Variants in PDE1A observed in about 807,000 individuals in gnomAD.
The protein encoded by PDE1A is dual specificity calcium/calmodulin-dependent 3',5'-cyclic nucleotide phosphodiesterase 1A.
Under a neutral mutation model 61.7 loss-of-function variants are expected in PDE1A, and 35 were observed. The observed-to-expected ratio is 0.57, with a 90% CI of 0.43 to 0.75. The LOEUF is 0.75. Ranked by LOEUF, PDE1A falls within the 30% of genes least tolerant of loss-of-function variation. The pLI is 0.00. For synonymous variants in PDE1A, 232 were observed against 213.2 expected (o/e 1.09, Z -0.77); for missense variants, 597 against 630.6 (o/e 0.95, Z 0.57).
intron 2 of PDE1A, among the ~76,000 whole-genome samples, chr2:182,512,622 C>G (rs1689875946): frequency 6.6e-6 from 1 of 152,066 alleles, no homozygotes; most frequent in Non-Finnish European, 1.5e-5. Flanking sequence ...ATGACAGACA[C>G]AGAGTTCAGA....
the PDE1A span, among the ~76,000 whole-genome samples, chr2:182,631,596 T>C: frequency 6.6e-6 from 1 of 152,184 alleles, no homozygotes; most frequent in Non-Finnish European, 1.5e-5. Flanking sequence ...CCAGTCAAAT[T>C]AACACATAAA....
At chr2:182,635,698 C>CTA in the PDE1A span, among the ~76,000 whole-genome samples, 8,032 of 147,516 alleles carry the variant, frequency 0.054, 251 homozygotes, top group Middle Eastern at 0.084. Flanking sequence ...CTCTCTCTCT[C>CTA]TCCACATATG....
the PDE1A span, among the ~76,000 whole-genome samples, chr2:182,677,997 C>T: frequency 6.6e-6 from 1 of 152,132 alleles, no homozygotes; most frequent in Non-Finnish European, 1.5e-5. Context: ...TATATCGCAG[C>T]ACAAAAGCCA....
the PDE1A span, among the ~76,000 whole-genome samples, chr2:182,626,727 A>ATATG: frequency 1.6e-4 from 2 of 12,384 alleles, no homozygotes; most frequent in African/African-American, 2.4e-4. Flanking sequence ...TTATATATAT[A>ATATG]TATATATATA....
the PDE1A span, among the ~76,000 whole-genome samples, chr2:182,707,880 G>C: frequency 6.6e-6 from 1 of 152,160 alleles, no homozygotes; most frequent in Non-Finnish European, 1.5e-5. Flanking sequence ...AGAGAATAAG[G>C]AGAGGTTGGG....
intron 1 of PDE1A, among the ~76,000 whole-genome samples, chr2:182,290,180 A>C (rs973903915): frequency 1.3e-5 from 2 of 152,162 alleles, no homozygotes; most frequent in Non-Finnish European, 2.9e-5. Flanking sequence ...ACAATTTTAC[A>C]TATTCTATAG....
chr2:182,433,462 C>A (rs926078149), intron 2 of PDE1A, among the ~76,000 whole-genome samples: 6 of 152,004 alleles, frequency 3.9e-5, no homozygotes, highest in African/African-American at 7.2e-5. Flanking sequence ...TATAACAGAC[C>A]CAATGTTCAA....
At chr2:182,642,837 T>C in the PDE1A span, among the ~76,000 whole-genome samples, 1 of 152,264 alleles carries the variant, frequency 6.6e-6, no homozygotes, top group South Asian at 2.1e-4. Flanking sequence ...ATCCTGAAAA[T>C]TGCGTCTTCC....
At chr2:182,322,558 T>A (rs1696763712) in intron 1 of PDE1A, among the ~76,000 whole-genome samples, 1 of 152,198 alleles carries the variant, frequency 6.6e-6, no homozygotes, top group East Asian at 1.9e-4. Context: ...ATTAAACCTC[T>A]TTTTCTTTAT....
chr2:182,607,440 C>A, the PDE1A span, among the ~76,000 whole-genome samples: 30 of 152,286 alleles, frequency 2.0e-4, no homozygotes, highest in Middle Eastern at 6.8e-3. Flanking sequence ...ATACAGTTGT[C>A]TCTCAGCATA....
intron 2 of PDE1A, among the ~76,000 whole-genome samples, chr2:182,461,670 T>G (rs879389340): frequency 1.3e-5 from 2 of 152,120 alleles, no homozygotes; most frequent in Admixed American, 1.3e-4. Flanking sequence ...CAACCTGACT[T>G]AAAGAAAGAC....
upstream of PDE1A, among the ~76,000 whole-genome samples, chr2:182,527,576 GA>G (rs990992557): frequency 2.0e-5 from 3 of 150,764 alleles, no homozygotes; most frequent in Non-Finnish European, 4.4e-5. Context: ...AAAAAGAAAA[GA>G]AAAATCTGAA....
intron 8 of PDE1A, among the ~76,000 whole-genome samples, chr2:182,204,585 C>A (rs1257426311): frequency 6.6e-6 from 1 of 152,072 alleles, no homozygotes; most frequent in East Asian, 1.9e-4. Context: ...ATTTTCTATT[C>A]TTTATGATTT....
At chr2:182,630,374 A>G in the PDE1A span, among the ~76,000 whole-genome samples, 2 of 152,154 alleles carry the variant, frequency 1.3e-5, no homozygotes, top group Admixed American at 6.6e-5. Context: ...GATTTTCCCA[A>G]TGAGTTAAAA....
chr2:182,251,419 G>A (rs1445780922), intron 2 of PDE1A, among the ~76,000 whole-genome samples: 1 of 151,940 alleles, frequency 6.6e-6, no homozygotes, highest in East Asian at 1.9e-4. Flanking sequence ...TTTGTGTATG[G>A]TCTCATTGTG....
At chr2:182,226,624 T>TC (rs1689163683) in intron 6 of PDE1A, among the ~76,000 whole-genome samples, 1 of 149,736 alleles carries the variant, frequency 6.7e-6, no homozygotes. Context: ...TATAAATGAC[T>TC]CCTGAGGGCA....
At position 182,193,432 on chromosome 2, in the gene PDE1A, G is replaced by A. The variant is rs543020065; in HGVS notation, c.1126-4372C>T. Among the ~76,000 whole-genome samples, 9 of 152,184 alleles carry A rather than the reference G, an allele frequency of 5.9e-5. No individual in the cohort carries two copies. The South Asian group carries it at 1.5e-3, about 25-fold the overall frequency. ...AGGAATCCCCTGACCACAGGGACAG[G>A]GGCTTAGGAGACACTCCTCCTAAGG... On this transcript the variant is annotated intron_variant, in intron 10 of 13. Transcript: ENST00000351439.
At chr2:182,580,473 C>T in the PDE1A span, among the ~76,000 whole-genome samples, 2 of 152,068 alleles carry the variant, frequency 1.3e-5, no homozygotes, top group East Asian at 3.9e-4. Context: ...AGATTAGTGC[C>T]CACCTGCTCA....
chr2:182,194,706 G>T (rs1460995207), intron 10 of PDE1A, among the ~76,000 whole-genome samples: 2 of 152,046 alleles, frequency 1.3e-5, no homozygotes, highest in Admixed American at 1.3e-4. Context: ...GGATAACGTT[G>T]ATGGGATTTT....
Sources: gnomAD v4.1 joint callset for allele counts (sites outside exome capture counted in the v4.1 genomes callset) on GRCh38, gnomAD v4.1.1 for gene constraint, MANE v1.5 for transcripts, NCBI Gene and HGNC (gene_info 2026-07-23, HGNC 2026-07-21) for gene names.